Variants in DOCK11 observed in about 807,000 individuals in gnomAD.
DOCK11 encodes dedicator of cytokinesis 11.
In DOCK11, 70 loss-of-function variants were observed where a neutral mutation model predicts 169.1. The observed-to-expected ratio is 0.41, with a 90% confidence interval of 0.34 to 0.51. DOCK11 has a LOEUF of 0.51. Ranked by LOEUF, DOCK11 falls within the 20% of genes least tolerant of loss-of-function variation. The probability of loss-of-function intolerance (pLI) is 0.10; values close to 1 mark genes in which losing one functional copy is unlikely to be tolerated. For synonymous variants in DOCK11, 529 were observed against 541.3 expected (o/e 0.98, Z 0.32); for missense variants, 1,166 against 1,538.8 (o/e 0.76, Z 4.05).
intron 48 of DOCK11, among the ~76,000 whole-genome samples, chrX:118,679,983 G>A (rs1251331131): frequency 2.2e-5 from 2 of 89,893 alleles, no homozygotes; most frequent in African/African-American, 9.2e-5. Flanking sequence ...CTGGAGTTCA[G>A]TGGCGCGATC....
At chrX:118,559,739 TAAAG>T (rs1213749451) in intron 6 of DOCK11, among the ~76,000 whole-genome samples, 2 of 110,922 alleles carry the variant, frequency 1.8e-5, no homozygotes, top group Non-Finnish European at 3.8e-5. Flanking sequence ...AAAATAAAAA[TAAAG>T]AAAATAAGCA....
At chrX:118,643,991 A>G (rs1280359929) in intron 40 of DOCK11, among the ~76,000 whole-genome samples, 1 of 111,432 alleles carries the variant, frequency 9.0e-6, no homozygotes, top group African/African-American at 3.3e-5. Context: ...GTCTTGTATA[A>G]TATCTTGGAA....
At chrX:118,581,663 G>A (rs1401734428) in intron 14 of DOCK11, among the ~76,000 whole-genome samples, 1 of 107,369 alleles carries the variant, frequency 9.3e-6, no homozygotes, top group Non-Finnish European at 1.9e-5. Context: ...AATTAGCTGG[G>A]CATGGTGGCG....
intron 1 of DOCK11, among the ~76,000 whole-genome samples, chrX:118,518,662 A>G (rs748777495): frequency 1.2e-4 from 14 of 112,366 alleles, no homozygotes; most frequent in Admixed American, 9.5e-4. Context: ...AAGGCAGTGA[A>G]ACTACTCCAT....
Position 118,584,761 on chromosome X carries a change from C to G in DOCK11, c.1622C>G (p.Ser541Cys), listed in dbSNP as rs773414690. Reference sequence around the variant, plus strand: ...CCCATTTTCAAAGATACTCAAGGCTCTCTTGATCTGGATGGGAGATTTTCT... The same window carrying G: ...CCCATTTTCAAAGATACTCAAGGCTGTCTTGATCTGGATGGGAGATTTTCT... ...ARPIFKDTQG[S>C]LDLDGRFSPL... Residue 541 changes from serine (S) to cysteine (C), a missense_variant, in exon 15 of 53, where the codon TCT becomes TGT. By Grantham distance (112) the Ser-to-Cys change is moderately radical. Transcript: ENST00000276202. 13 of 1,187,326 alleles carry G rather than the reference C, an allele frequency of 1.1e-5. No individual in the cohort carries two copies. The South Asian group carries it at 2.5e-4, about 23-fold the overall frequency.
intron 5 of DOCK11, 125 bp downstream of exon 5, chrX:118,545,517 G>A (rs2012237692): frequency 1.9e-6 from 1 of 526,835 alleles, no homozygotes; most frequent in Non-Finnish European, 2.9e-6. Context: ...AATGATCTGT[G>A]GCCAGCTTTC....
At chrX:118,657,927 T>C (rs1048913455) in intron 44 of DOCK11, among the ~76,000 whole-genome samples, 3 of 111,272 alleles carry the variant, frequency 2.7e-5, no homozygotes, top group East Asian at 5.6e-4. Flanking sequence ...AAAGGACTTA[T>C]CCATGTAACA....
At position 118,543,766 on chromosome X, in the gene DOCK11, C is replaced by T. The variant is rs762592759; in HGVS notation, c.392+173C>T. Among the ~76,000 whole-genome samples the T allele has an allele frequency of 2.1e-4, 23 of 111,901 alleles. No individual in the cohort carries two copies. The South Asian group carries it at 4.4e-3, about 22-fold the overall frequency. ...GAGATCGAGACCATCCTGGCTAACA[C>T]GGTGAAACCCTGTCTCTACTAAAAA... On this transcript the variant is annotated intron_variant, in intron 4 of 52. Coordinates refer to ENST00000276202, the MANE Select transcript of DOCK11 (RefSeq NM_144658.4).
At chrX:118,632,999 T>TGGGG (rs2015292557) in intron 35 of DOCK11, 2 of 79,186 alleles carry the variant, frequency 2.5e-5, no homozygotes, top group African/African-American at 1.0e-4. Flanking sequence ...GTGGGGGGGA[T>TGGGG]GGGGAAGCTA....
Position 118,542,732 on chromosome X carries a change from C to T in DOCK11, c.110C>T (p.Ala37Val). 8.3e-7 allele frequency: 1 copy of T among 1,204,209 alleles called. No individual in the cohort carries two copies. Among genetic ancestry groups the T allele is most frequent in the Non-Finnish European group, 1.1e-6 (1 of 890,727 alleles). Residue 37 changes from alanine (A) to valine (V), a missense_variant, in exon 2 of 53, where the codon GCC (alanine) becomes GTC (valine). Coordinates refer to ENST00000276202, the MANE Select transcript of DOCK11 (RefSeq NM_144658.4). ...CTTTTGTCTCTTATAAAGGAAAAGG[C>T]CAAAGTTGTTGAGCCCCTGGACTAT... ...AVRGSVVLEK[A>V]KVVEPLDYEN...
At chrX:118,520,067 G>A (rs1470812321) in intron 1 of DOCK11, among the ~76,000 whole-genome samples, 3 of 112,057 alleles carry the variant, frequency 2.7e-5, no homozygotes, top group Non-Finnish European at 5.6e-5. Context: ...CAGTCTCTAA[G>A]AGAACATGAC....
chrX:118,516,087 C>CTTT lies in DOCK11; in HGVS notation c.102+20017_102+20019dup, dbSNP rs1300617761. Among the ~76,000 whole-genome samples the CTTT allele has an allele frequency of 7.2e-4, 46 of 63,691 alleles. 1 individual carries two copies. The highest frequency in any genetic ancestry group is 3.0e-3 in the African/African-American group (42 of 14,027). 55.3% of individuals were successfully genotyped at this position (63,691 alleles called of 115,157 possible). A position where few individuals can be genotyped will look rare whatever the true frequency, so the allele number is the denominator to read the frequency against. On this transcript the variant is annotated intron_variant, in intron 1 of 52. Coordinates refer to ENST00000276202, the MANE Select transcript of DOCK11 (RefSeq NM_144658.4). ...CTTTCTTTCTTTTTTCTTTTCTTTTCTTTTTCTTTTTTTTTTTTTTTTTGT... is the reference window on the plus strand; with the variant it reads ...CTTTCTTTCTTTTTTCTTTTCTTTTCTTTTTTTTCTTTTTTTTTTTTTTTTTGT...
At chrX:118,588,981 CACACCACA>C (rs2013901904) in intron 18 of DOCK11, among the ~76,000 whole-genome samples, 1 of 112,166 alleles carries the variant, frequency 8.9e-6, no homozygotes. Flanking sequence ...AAATACCTGT[CACACCACA>C]GTGCCTTTAT....
intron 35 of DOCK11, among the ~76,000 whole-genome samples, chrX:118,634,891 T>C (rs1208776551): frequency 9.0e-6 from 1 of 110,631 alleles, no homozygotes; most frequent in Non-Finnish European, 1.9e-5. Context: ...CACGCCCAAC[T>C]AATTTTTGTA....
intron 23 of DOCK11, among the ~76,000 whole-genome samples, chrX:118,602,729 C>T (rs2014379539): frequency 9.0e-6 from 1 of 111,355 alleles, no homozygotes; most frequent in African/African-American, 3.3e-5. Context: ...TTAGTAGAGA[C>T]AGGGTTTCAC....
At chrX:118,572,825 G>A (rs1244843120) in intron 11 of DOCK11, among the ~76,000 whole-genome samples, 7 of 111,570 alleles carry the variant, frequency 6.3e-5, no homozygotes, top group Non-Finnish European at 3.8e-5. Context: ...ACTCAGAATA[G>A]CAGATAGAGT....
At chrX:118,671,837 G>A (rs1027164381) in intron 46 of DOCK11, among the ~76,000 whole-genome samples, 4 of 111,907 alleles carry the variant, frequency 3.6e-5, no homozygotes, top group African/African-American at 9.7e-5. Flanking sequence ...GCACCACCAC[G>A]CCCCGCTATC....
At chrX:118,597,342 CA>C (rs1489164101) in intron 20 of DOCK11, 88 bp from the exon 21 acceptor site, 23 of 1,145,000 alleles carry the variant, frequency 2.0e-5, no homozygotes, top group Non-Finnish European at 2.7e-5. Context: ...GAGACATCAC[CA>C]CCCTGCCCTG....
At chrX:118,552,126 A>G (rs184176654) in intron 6 of DOCK11, among the ~76,000 whole-genome samples, 3 of 111,561 alleles carry the variant, frequency 2.7e-5, no homozygotes, top group East Asian at 5.6e-4. Flanking sequence ...AATAAAACGA[A>G]GGAAAGAGTA....
Sources: gnomAD v4.1 joint callset for allele counts (sites outside exome capture counted in the v4.1 genomes callset) on GRCh38, gnomAD v4.1.1 for gene constraint, MANE v1.5 for transcripts, NCBI Gene and HGNC (gene_info 2026-07-23, HGNC 2026-07-21) for gene names.